NDST3: variants seen among roughly 807,000 people sequenced by gnomAD.
NDST3 encodes N-deacetylase and N-sulfotransferase 3, also known as bifunctional heparan sulfate N-deacetylase/N-sulfotransferase 3.
NDST3 carries 58 observed loss-of-function variants against 96.1 expected under a neutral mutation model. That is an observed-to-expected ratio of 0.60 (90% confidence interval 0.49 to 0.75). NDST3 has a LOEUF of 0.75. Ranked by LOEUF, NDST3 falls within the 30% of genes least tolerant of loss-of-function variation. The probability of loss-of-function intolerance (pLI) is 0.00; values close to 1 mark genes in which losing one functional copy is unlikely to be tolerated. For synonymous variants in NDST3, 333 were observed against 359.7 expected (o/e 0.93, Z 0.84); for missense variants, 788 against 1,034.2 (o/e 0.76, Z 3.27).
At chr4:118,225,104 C>T (rs1333379253) in intron 7 of NDST3, among the ~76,000 whole-genome samples, 1 of 152,108 alleles carries the variant, frequency 6.6e-6, no homozygotes, top group Non-Finnish European at 1.5e-5. Context: ...TTCTGAACCA[C>T]GAGGTACACC....
chr4:118,088,757 T>C (rs1474936327), intron 2 of NDST3, among the ~76,000 whole-genome samples: 1 of 152,044 alleles, frequency 6.6e-6, no homozygotes, highest in African/African-American at 2.4e-5. Flanking sequence ...TTCATCCATA[T>C]TTTCAAACAG....
chr4:118,064,640 T>C (rs1726162183), intron 2 of NDST3, among the ~76,000 whole-genome samples: 2 of 152,294 alleles, frequency 1.3e-5, no homozygotes, highest in South Asian at 2.1e-4. Context: ...ATAATGATTA[T>C]ACAGGATTAT....
intron 6 of NDST3, among the ~76,000 whole-genome samples, chr4:118,164,017 A>C (rs1410943717): frequency 6.6e-6 from 1 of 152,180 alleles, no homozygotes; most frequent in Non-Finnish European, 1.5e-5. Flanking sequence ...AAAGGAATAT[A>C]AATTGTTCTA....
At chr4:118,159,508 C>A (rs888763721) in intron 6 of NDST3, among the ~76,000 whole-genome samples, 1 of 152,020 alleles carries the variant, frequency 6.6e-6, no homozygotes, top group Non-Finnish European at 1.5e-5. Flanking sequence ...TTGAAATGCA[C>A]AGACCACAAC....
chr4:118,054,976 T>C (rs1218650277), intron 2 of NDST3, 85 bp downstream of exon 2: 1 of 1,547,964 alleles, frequency 6.5e-7, no homozygotes, highest in Non-Finnish European at 8.8e-7. Flanking sequence ...ACAACTGGGT[T>C]ACCCAGGACA....
chr4:118,105,298 G>A (rs1730079626), intron 3 of NDST3, among the ~76,000 whole-genome samples, 193 bp downstream of exon 3: 1 of 152,044 alleles, frequency 6.6e-6, no homozygotes, highest in Admixed American at 6.6e-5. Flanking sequence ...GGAACTATCT[G>A]ATGGCCTTTC....
chr4:118,249,818 C>T (rs975414927), intron 12 of NDST3, among the ~76,000 whole-genome samples: 4 of 151,892 alleles, frequency 2.6e-5, no homozygotes, highest in East Asian at 1.9e-4. Context: ...CATATAATCA[C>T]CCATTGTAAT....
chr4:118,178,810 G>C (rs1007319743), intron 6 of NDST3, among the ~76,000 whole-genome samples: 1 of 152,006 alleles, frequency 6.6e-6, no homozygotes, highest in African/African-American at 2.4e-5. Context: ...TCAGTGCACA[G>C]GGATTCCAAC....
intron 1 of NDST3, among the ~76,000 whole-genome samples, chr4:118,048,424 C>T (rs1724890681): frequency 1.3e-5 from 2 of 152,106 alleles, no homozygotes; most frequent in Non-Finnish European, 2.9e-5. Flanking sequence ...TTAAAAGACA[C>T]AGAGTGGCAA....
intron 8 of NDST3, among the ~76,000 whole-genome samples, chr4:118,232,785 A>T (rs916118160): frequency 6.6e-6 from 1 of 152,204 alleles, no homozygotes; most frequent in Non-Finnish European, 1.5e-5. Flanking sequence ...TGAGATTGAA[A>T]GCCAGTTCTC....
intron 3 of NDST3, among the ~76,000 whole-genome samples, chr4:118,112,222 A>G: frequency 6.6e-6 from 1 of 152,240 alleles, no homozygotes; most frequent in Non-Finnish European, 1.5e-5. Context: ...AAAGGACAAC[A>G]AATGCCTGAG....
intron 7 of NDST3, among the ~76,000 whole-genome samples, chr4:118,225,419 C>T (rs1287846009): frequency 6.6e-6 from 1 of 152,150 alleles, no homozygotes. Flanking sequence ...TGTGTTAACT[C>T]ATTTAATCCT....
At chr4:118,251,663 T>C (rs1741745426) in intron 12 of NDST3, among the ~76,000 whole-genome samples, 1 of 152,208 alleles carries the variant, frequency 6.6e-6, no homozygotes, top group Admixed American at 6.5e-5. Flanking sequence ...GGTCCACTGA[T>C]GCCAACACCA....
intron 12 of NDST3, among the ~76,000 whole-genome samples, chr4:118,250,129 G>A (rs1189440390): frequency 6.6e-6 from 1 of 152,140 alleles, no homozygotes; most frequent in Non-Finnish European, 1.5e-5. Context: ...TGAGTAATTT[G>A]TATTTTTTGG....
At chr4:118,063,965 A>G (rs1264895517) in intron 2 of NDST3, among the ~76,000 whole-genome samples, 1 of 152,106 alleles carries the variant, frequency 6.6e-6, no homozygotes, top group East Asian at 1.9e-4. Flanking sequence ...ATTACATCCT[A>G]TCAGATTCTG....
At chr4:118,163,864 T>C (rs1735367571) in intron 6 of NDST3, among the ~76,000 whole-genome samples, 1 of 152,130 alleles carries the variant, frequency 6.6e-6, no homozygotes, top group South Asian at 2.1e-4. Flanking sequence ...CTGGTGAGGT[T>C]GCAGAGAAAA....
chr4:118,238,155 AAAAGAAAGAAAGAAAGAAAG>A (rs552263074), intron 10 of NDST3, among the ~76,000 whole-genome samples: 4,385 of 91,222 alleles, frequency 0.048, 147 homozygotes, highest in African/African-American at 0.071. Context: ...GAAAAGAAAG[AAAAGAAAGAAAGAAAGAAAG>A]AAAGAAAGAA....
At chr4:118,235,683 G>C (rs952944900) in intron 9 of NDST3, among the ~76,000 whole-genome samples, 1 of 152,146 alleles carries the variant, frequency 6.6e-6, no homozygotes, top group Non-Finnish European at 1.5e-5. Context: ...AGCACTCCTG[G>C]AACCAGTGTG....
At chr4:118,090,879 G>A (rs762255656) in intron 2 of NDST3, among the ~76,000 whole-genome samples, 3 of 151,812 alleles carry the variant, frequency 2.0e-5, no homozygotes, top group Non-Finnish European at 4.4e-5. Flanking sequence ...CTGATTGGAT[G>A]AGATGTAAAG....
Sources: allele counts gnomAD v4.1 joint callset (sites outside exome capture counted in the v4.1 genomes callset), GRCh38; gene constraint gnomAD v4.1.1; transcripts MANE v1.5; gene names NCBI Gene and HGNC (gene_info 2026-07-23, HGNC 2026-07-21).